Variants in NALF1 observed in about 807,000 individuals in gnomAD.
NALF1 encodes family with sequence similarity 155 member A.
NALF1 carries 3 observed loss-of-function variants against 48.4 expected under a neutral mutation model. That is an observed-to-expected ratio of 0.06 (90% CI 0.03 to 0.16). The LOEUF is 0.16. NALF1 is among the 10% of genes least tolerant of loss of function. The pLI is 1.00. For missense variants in NALF1, 526 were observed against 571.5 expected, an observed-to-expected ratio of 0.92 and a Z score of 0.81; for synonymous variants, 262 against 245.7, an observed-to-expected ratio of 1.07 and a Z score of -0.62.
rs529155813 is a variant in NALF1 at position 107,783,221 on chromosome 13, C to T, written c.915+82461G>A. Among the ~76,000 whole-genome samples the T allele has an allele frequency of 4.6e-3, 629 of 137,058 alleles. 41 individuals are homozygous for T. The highest frequency in any genetic ancestry group is 0.034 in the Admixed American group (461 of 13,576). The allele number at this position is 137,058 out of a possible 152,430, so 89.9% of individuals were successfully genotyped here. The stretch of plus-strand genomic sequence containing the variant: ...GTCAGTCCCCCGCCCGGCCAGCCGC[C>T]CCGTCCGGGAGGGAGGTGGGGGGGT... On this transcript the variant is annotated intron_variant, in intron 1 of 2. Transcript: ENST00000375915.
intron 1 of NALF1, among the ~76,000 whole-genome samples, chr13:107,335,873 A>C (rs757154116): frequency 3.3e-5 from 5 of 152,216 alleles, no homozygotes; most frequent in Non-Finnish European, 7.3e-5. Context: ...ATAACTTCTA[A>C]ATCTTATCTT....
chr13:107,831,725 T>C (rs1027102319), intron 1 of NALF1, among the ~76,000 whole-genome samples: 2 of 152,158 alleles, frequency 1.3e-5, no homozygotes, highest in African/African-American at 4.8e-5. Context: ...AAAGAGTATT[T>C]TGTAACAAGA....
At chr13:107,707,554 C>A (rs1287331401) in intron 1 of NALF1, among the ~76,000 whole-genome samples, 1 of 152,178 alleles carries the variant, frequency 6.6e-6, no homozygotes, top group Non-Finnish European at 1.5e-5. Context: ...CAACCACAAG[C>A]ACCGACTCCC....
intron 1 of NALF1, among the ~76,000 whole-genome samples, chr13:107,622,988 T>C (rs1399870011): frequency 1.3e-5 from 2 of 152,180 alleles, no homozygotes; most frequent in Non-Finnish European, 1.5e-5. Context: ...TAACCAACAA[T>C]ATCTACAGTA....
At chr13:107,258,281 T>C (rs1880861030) in intron 1 of NALF1, among the ~76,000 whole-genome samples, 2 of 152,222 alleles carry the variant, frequency 1.3e-5, no homozygotes, top group African/African-American at 4.8e-5. Context: ...TTTTATATTT[T>C]ATTGTTAATT....
At chr13:107,756,946 G>T (rs1431041576) in intron 1 of NALF1, among the ~76,000 whole-genome samples, 3 of 152,018 alleles carry the variant, frequency 2.0e-5, no homozygotes, top group Non-Finnish European at 4.4e-5. Context: ...CATACTAAAG[G>T]CTACAAATTA....
rs536789645 is a variant in NALF1, at chr13:107,673,926, A to G, written c.915+191756T>C. On this transcript the variant is annotated intron_variant, in intron 1 of 2. Transcript: ENST00000375915. Reference sequence around the variant, plus strand: ...CCACTTGAAGAAGCAGAAGGCACAGATGACTTAAGTGTTCTCCCCACACCA... The same window carrying G: ...CCACTTGAAGAAGCAGAAGGCACAGGTGACTTAAGTGTTCTCCCCACACCA... Among the ~76,000 whole-genome samples the G allele has an allele frequency of 6.6e-4, 100 of 152,284 alleles. 1 individual carries two copies. The highest frequency in any genetic ancestry group is 2.2e-3 in the African/African-American group (91 of 41,576).
At position 107,578,186 on chromosome 13, in the gene NALF1, T is replaced by G. The variant is rs143196254; in HGVS notation, c.915+287496A>C. Among the ~76,000 whole-genome samples, 399 of 152,332 alleles carry G rather than the reference T, an allele frequency of 2.6e-3. 3 individuals carry two copies. The highest frequency in any genetic ancestry group is 6.8e-3 in the Middle Eastern group (2 of 294). On this transcript the variant is annotated intron_variant, in intron 1 of 2. Transcript: ENST00000375915. Reference sequence around the variant, plus strand: ...ACTTATTTGCTGTTGTCATTCCGTTTGTTGACATGTTCTTCCACCTTTTCT... The same window carrying G: ...ACTTATTTGCTGTTGTCATTCCGTTGGTTGACATGTTCTTCCACCTTTTCT...
intron 1 of NALF1, among the ~76,000 whole-genome samples, chr13:107,333,532 A>G (rs935566350): frequency 6.6e-6 from 1 of 152,200 alleles, no homozygotes; most frequent in Non-Finnish European, 1.5e-5. Context: ...TGCTCTGGGC[A>G]TGTCCATGAA....
intron 1 of NALF1, among the ~76,000 whole-genome samples, chr13:107,540,505 T>C (rs1876970759): frequency 6.6e-6 from 1 of 152,132 alleles, no homozygotes; most frequent in Non-Finnish European, 1.5e-5. Flanking sequence ...TTTATATGTA[T>C]GTATATATGC....
At chr13:107,294,836 G>A (rs79601781) in intron 1 of NALF1, among the ~76,000 whole-genome samples, 38 of 152,232 alleles carry the variant, frequency 2.5e-4, no homozygotes, top group African/African-American at 8.4e-4. Flanking sequence ...AGTAAAATAC[G>A]TACCTCACGT....
chr13:107,696,397 C>T (rs1048813627), intron 1 of NALF1, among the ~76,000 whole-genome samples: 3 of 152,120 alleles, frequency 2.0e-5, no homozygotes. Flanking sequence ...ATTTCTATTT[C>T]ATAACTGACA....
chr13:107,480,501 G>A (rs182564565), intron 1 of NALF1, among the ~76,000 whole-genome samples: 1 of 152,246 alleles, frequency 6.6e-6, no homozygotes, highest in Non-Finnish European at 1.5e-5. Flanking sequence ...GTCCAATCTT[G>A]TGGCTTCCCT....
chr13:107,866,313 T>A lies in NALF1; in HGVS notation c.284A>T (p.Gln95Leu), dbSNP rs747667435. 4.5e-6 allele frequency: 7 copies of A among 1,572,272 alleles called. No homozygotes were observed. Among genetic ancestry groups the A allele is most frequent in the Non-Finnish European group, 5.2e-6 (6 of 1,157,722 alleles). Residue 95 changes from glutamine (Q) to leucine (L), a missense_variant, in exon 1 of 3, where the codon CAG (glutamine) becomes CTG (leucine). Gln to Leu is a moderately radical substitution (Grantham distance 113, BLOSUM62 -2). Transcript: ENST00000375915. This position sits in a 1 kb window ranked among gnomAD's most constrained non-coding sequence, Gnocchi z 4.4. ...QQRQRQQQQQ[Q>L]RRQQEPSWPA... is the part of the protein sequence containing the mutation. ...CCAGGAGGGCTCCTGCTGCCGCCGCTGCTGCTGCTGCTGCTGCCGCTGCCT... is the reference window on the plus strand; with the variant it reads ...CCAGGAGGGCTCCTGCTGCCGCCGCAGCTGCTGCTGCTGCTGCCGCTGCCT...
chr13:107,174,421 T>A (rs550701793), intron 2 of NALF1, among the ~76,000 whole-genome samples: 1 of 151,656 alleles, frequency 6.6e-6, no homozygotes, highest in Non-Finnish European at 1.5e-5. Flanking sequence ...GGTGGTGCAA[T>A]CTCAGCTCAC....
chr13:107,723,166 T>A (rs1876037787), intron 1 of NALF1, among the ~76,000 whole-genome samples: 1 of 152,216 alleles, frequency 6.6e-6, no homozygotes, highest in Non-Finnish European at 1.5e-5. Context: ...ATGCGATTCC[T>A]GGGATACATG....
chr13:107,366,754 G>A (rs1243482389), intron 1 of NALF1, among the ~76,000 whole-genome samples: 2 of 152,210 alleles, frequency 1.3e-5, no homozygotes, highest in Admixed American at 6.5e-5. Context: ...GACATCCCAT[G>A]TTGTCAGGGA....
rs988110387 is a variant in NALF1 at position 107,380,753 on chromosome 13, C to T, written c.916-169998G>A. Among the ~76,000 whole-genome samples the T allele has an allele frequency of 1.1e-4, 17 of 151,782 alleles. No homozygotes were observed. The South Asian group carries it at 2.7e-3, about 24-fold the overall frequency. ...CAGCACTTTGGGAGGCTGAGGCGGGCGGATCACGAGGTCAGGAGATCGAGA... is the reference window on the plus strand; with the variant it reads ...CAGCACTTTGGGAGGCTGAGGCGGGTGGATCACGAGGTCAGGAGATCGAGA... On this transcript the variant is annotated intron_variant, in intron 1 of 2. Transcript: ENST00000375915.
chr13:107,776,517 G>A (rs9555407), intron 1 of NALF1, among the ~76,000 whole-genome samples: 12,338 of 152,206 alleles, frequency 0.081, 633 homozygotes, highest in East Asian at 0.17. Flanking sequence ...CTAAACAAGA[G>A]TATAGCCTGA....
Sources: gnomAD v4.1 joint callset for allele counts (sites outside exome capture counted in the v4.1 genomes callset) on GRCh38, gnomAD v4.1.1 for gene constraint, Gnocchi (gnomAD v3.1) non-coding constraint, MANE v1.5 for transcripts, NCBI Gene and HGNC (gene_info 2026-07-23, HGNC 2026-07-21) for gene names.